The following PTPRM variants were observed in gnomAD, a reference collection of about 807,000 sequenced individuals.
PTPRM encodes protein tyrosine phosphatase receptor type M, also known as receptor-type tyrosine-protein phosphatase mu.
In PTPRM, 47 loss-of-function variants were observed where a neutral mutation model predicts 186.7. That is an observed-to-expected ratio of 0.25 (90% CI 0.20 to 0.32). The LOEUF (loss-of-function observed/expected upper bound fraction) is 0.32, where lower values mean the gene tolerates loss of function less well. Among genes scored for constraint, PTPRM ranks in the 10% least tolerant of loss-of-function variants. PTPRM has a pLI of 1.00. For missense variants in PTPRM, 1,494 were observed against 1,865.0 expected (o/e 0.80, Z 3.66); for synonymous variants, 668 against 674.9 (o/e 0.99, Z 0.16).
intron 17 of PTPRM, chr18:8,251,470 A>G (rs2094527668): frequency 6.6e-6 from 1 of 152,346 alleles, no homozygotes; most frequent in East Asian, 1.9e-4. Context: ...CCAGCAAGCA[A>G]ATCTGATGTG....
chr18:8,394,389 G>A (rs1170973962), intron 31 of PTPRM, 87 bp from the exon 32 acceptor site: 2 of 1,430,930 alleles, frequency 1.4e-6, no homozygotes, highest in East Asian at 5.1e-5. Context: ...CTGTTCCCCA[G>A]GGTTTAGACA....
intron 13 of PTPRM, among the ~76,000 whole-genome samples, chr18:8,128,871 A>G (rs986417755): frequency 2.0e-5 from 3 of 152,198 alleles, no homozygotes; most frequent in East Asian, 1.9e-4. Flanking sequence ...TTTTGATACC[A>G]TTTTGTGGTT....
intron 7 of PTPRM, among the ~76,000 whole-genome samples, chr18:7,974,947 T>C (rs1204601579): frequency 6.6e-6 from 1 of 152,246 alleles, no homozygotes; most frequent in African/African-American, 2.4e-5. Context: ...GACTGGCTTC[T>C]ATCCCATGTT....
intron 14 of PTPRM, among the ~76,000 whole-genome samples, chr18:8,153,307 G>A (rs532127082): frequency 6.6e-6 from 1 of 152,190 alleles, no homozygotes; most frequent in South Asian, 2.1e-4. Flanking sequence ...AATCCTCCAA[G>A]GGTCTATTTC....
intron 11 of PTPRM, among the ~76,000 whole-genome samples, chr18:8,105,824 G>A (rs12953676): frequency 5.3e-5 from 8 of 152,228 alleles, no homozygotes; most frequent in East Asian, 3.9e-4. Flanking sequence ...AAATACTTAC[G>A]TAATATTTTG....
chr18:7,587,608 T>G (rs999070495), intron 1 of PTPRM, among the ~76,000 whole-genome samples: 1 of 152,152 alleles, frequency 6.6e-6, no homozygotes, highest in Non-Finnish European at 1.5e-5. Flanking sequence ...GACTGTTAAT[T>G]TCACCTGTTG....
intron 19 of PTPRM, among the ~76,000 whole-genome samples, chr18:8,255,759 G>T (rs894817221): frequency 6.6e-6 from 1 of 152,172 alleles, no homozygotes; most frequent in South Asian, 2.1e-4. Context: ...ACTGAGTACC[G>T]TGCCCCTTGT....
At chr18:7,617,752 G>C (rs1444164310) in intron 1 of PTPRM, among the ~76,000 whole-genome samples, 1 of 152,172 alleles carries the variant, frequency 6.6e-6, no homozygotes, top group Non-Finnish European at 1.5e-5. Flanking sequence ...CATTTCGTGA[G>C]AAGAGGATAA....
At chr18:7,660,580 C>A (rs1339879391) in intron 1 of PTPRM, among the ~76,000 whole-genome samples, 1 of 152,002 alleles carries the variant, frequency 6.6e-6, no homozygotes, top group African/African-American at 2.4e-5. Flanking sequence ...GCCGGTGGGC[C>A]ACACTCCTAG....
At chr18:8,262,359 C>T (rs1249150922) in intron 19 of PTPRM, among the ~76,000 whole-genome samples, 1 of 152,212 alleles carries the variant, frequency 6.6e-6, no homozygotes. Context: ...GCCACGGATT[C>T]TTTCCAAAAA....
At chr18:7,973,073 C>T (rs1443923841) in intron 7 of PTPRM, among the ~76,000 whole-genome samples, 1 of 151,968 alleles carries the variant, frequency 6.6e-6, no homozygotes, top group Non-Finnish European at 1.5e-5. Context: ...ATATATATAA[C>T]CCACTCTTAT....
At chr18:7,941,402 G>T (rs553847879) in intron 5 of PTPRM, among the ~76,000 whole-genome samples, 1 of 152,318 alleles carries the variant, frequency 6.6e-6, no homozygotes, top group East Asian at 1.9e-4. Context: ...CAATTGTTAT[G>T]TATGTTTTAA....
intron 7 of PTPRM, among the ~76,000 whole-genome samples, chr18:8,016,897 T>A (rs2147922278): frequency 6.6e-6 from 1 of 152,372 alleles, no homozygotes; most frequent in East Asian, 1.9e-4. Flanking sequence ...CTCTTCATTT[T>A]CTTTCATCTA....
chr18:8,309,252 G>T (rs2095249729), intron 20 of PTPRM, among the ~76,000 whole-genome samples: 1 of 152,068 alleles, frequency 6.6e-6, no homozygotes, highest in African/African-American at 2.4e-5. Flanking sequence ...CAAAGTGATT[G>T]TACTAATTTT....
chr18:7,739,142 G>GT (rs34789645), intron 1 of PTPRM, among the ~76,000 whole-genome samples: 17 of 150,928 alleles, frequency 1.1e-4, no homozygotes, highest in Non-Finnish European at 1.5e-4. Flanking sequence ...AAAAATGACA[G>GT]TTTTTTTTTT....
chr18:7,578,506 T>C lies in PTPRM; in HGVS notation c.73+10615T>C, dbSNP rs532655739. Among the ~76,000 whole-genome samples the C allele has an allele frequency of 6.4e-3, 967 of 152,094 alleles. 2 individuals are homozygous for C. The highest frequency in any genetic ancestry group is 0.011 in the Non-Finnish European group (728 of 67,976). ...GCCCGCCACCATGCCCGGCTAATTT[T>C]TTGTATTTTTAGTAGAGATGGGGTT... On this transcript the variant is annotated intron_variant, in intron 1 of 32. Transcript: ENST00000580170.
chr18:7,703,933 T>C (rs2040020377), intron 1 of PTPRM, among the ~76,000 whole-genome samples: 1 of 152,202 alleles, frequency 6.6e-6, no homozygotes, highest in African/African-American at 2.4e-5. Flanking sequence ...GATATAATCA[T>C]GTGGTTGTTG....
At chr18:7,990,618 C>A (rs1447146279) in intron 7 of PTPRM, among the ~76,000 whole-genome samples, 1 of 152,150 alleles carries the variant, frequency 6.6e-6, no homozygotes, top group Non-Finnish European at 1.5e-5. Flanking sequence ...GATGGCAATG[C>A]TGATTGGCAT....
At chr18:8,403,026 G>C (rs1003105333) in intron 32 of PTPRM, 2 of 152,198 alleles carry the variant, frequency 1.3e-5, no homozygotes, top group African/African-American at 4.8e-5. Flanking sequence ...AATTGAGAAA[G>C]CTGGAAGGGA....
Sources: gnomAD v4.1 joint callset for allele counts (sites outside exome capture counted in the v4.1 genomes callset) on GRCh38, gnomAD v4.1.1 for gene constraint, MANE v1.5 for transcripts, NCBI Gene and HGNC (gene_info 2026-07-23, HGNC 2026-07-21) for gene names.